Variants in TBCA observed in about 807,000 individuals in gnomAD.
The protein encoded by TBCA is tubulin folding cofactor A, also known as tubulin-specific chaperone A.
Under a neutral mutation model 15.8 loss-of-function variants are expected in TBCA, and 6 were observed. That is an observed-to-expected ratio of 0.38 (90% CI 0.21 to 0.75). The LOEUF (loss-of-function observed/expected upper bound fraction) is 0.75, where lower values mean the gene tolerates loss of function less well. Ranked by LOEUF, TBCA falls within the 30% of genes least tolerant of loss-of-function variation. TBCA has a pLI of 0.46. For missense variants in TBCA, 90 were observed against 131.2 expected, an observed-to-expected ratio of 0.69 and a Z score of 1.53; for synonymous variants, 32 against 42.3, an observed-to-expected ratio of 0.76 and a Z score of 0.94.
chr5:77,693,049 A>T (rs1408496097), intron 3 of TBCA: 2 of 1,431,472 alleles, frequency 1.4e-6, no homozygotes, highest in Non-Finnish European at 1.8e-6. Context: ...AATTTTAATA[A>T]ACTGAACAAA....
intron 1 of TBCA, among the ~76,000 whole-genome samples, chr5:77,726,038 C>A (rs1449097483): frequency 6.6e-6 from 1 of 152,186 alleles, no homozygotes; most frequent in Non-Finnish European, 1.5e-5. Context: ...AAGAATTAGA[C>A]TCGACACACA....
chr5:77,761,697 CT>C (rs79222866), intron 1 of TBCA, among the ~76,000 whole-genome samples: 466 of 142,268 alleles, frequency 3.3e-3, no homozygotes, highest in South Asian at 5.4e-3. Flanking sequence ...AATTTAATCA[CT>C]TTTTTTTTTT....
chr5:77,726,891 GA>G (rs1230643091), intron 1 of TBCA, among the ~76,000 whole-genome samples: 1 of 152,110 alleles, frequency 6.6e-6, no homozygotes, highest in Non-Finnish European at 1.5e-5. Context: ...AAAGATTCAA[GA>G]TGTAAGAAGA....
intron 1 of TBCA, among the ~76,000 whole-genome samples, chr5:77,739,435 AGAGT>A (rs1427731047): frequency 2.0e-5 from 3 of 152,186 alleles, no homozygotes; most frequent in Non-Finnish European, 4.4e-5. Flanking sequence ...CACTCTAAAC[AGAGT>A]GAGTGAGGCG....
At chr5:77,751,133 A>G (rs558227708) in intron 1 of TBCA, among the ~76,000 whole-genome samples, 7 of 148,818 alleles carry the variant, frequency 4.7e-5, no homozygotes, top group Non-Finnish European at 7.4e-5. Context: ...AGTTCCCATT[A>G]CGGCCTGACC....
chr5:77,738,551 A>G (rs1306031589), intron 1 of TBCA, among the ~76,000 whole-genome samples: 1 of 152,222 alleles, frequency 6.6e-6, no homozygotes, highest in African/African-American at 2.4e-5. Flanking sequence ...TGCTTGTTGA[A>G]CTAGTCAGTT....
chr5:77,703,900 G>A (rs531207667), intron 2 of TBCA, among the ~76,000 whole-genome samples: 31 of 151,500 alleles, frequency 2.0e-4, no homozygotes, highest in African/African-American at 5.8e-4. Flanking sequence ...TTATAGGGGC[G>A]GTTTCCTATA....
chr5:77,763,360 A>C (rs568164510), intron 1 of TBCA, among the ~76,000 whole-genome samples: 1 of 152,336 alleles, frequency 6.6e-6, no homozygotes, highest in South Asian at 2.1e-4. Flanking sequence ...AAGTCTATCA[A>C]GTATTGGAGA....
intron 3 of TBCA, chr5:77,693,033 T>C (rs760741817): frequency 2.2e-4 from 311 of 1,425,530 alleles, no homozygotes; most frequent in Non-Finnish European, 2.7e-4. Context: ...TAAATTTAAC[T>C]AGCTAAATTT....
At chr5:77,714,515 A>G (rs1398669892) in intron 1 of TBCA, among the ~76,000 whole-genome samples, 6 of 152,154 alleles carry the variant, frequency 3.9e-5, no homozygotes, top group Non-Finnish European at 5.9e-5. Context: ...TATAACTATA[A>G]TAAAAGGTGG....
At position 77,713,899 on chromosome 5, in the gene TBCA, A is replaced by G. The variant is rs562009395; in HGVS notation, c.54-5552T>C. Among the ~76,000 whole-genome samples the G allele has an allele frequency of 9.2e-5, 12 of 130,536 alleles. No individual in the cohort carries two copies. In the East Asian group the frequency reaches 2.7e-3, roughly 30 times the overall value. The allele number at this position is 130,536 out of a possible 152,430, so 85.6% of individuals were successfully genotyped here. A position where few individuals can be genotyped will look rare whatever the true frequency, so the allele number is the denominator to read the frequency against. On this transcript the variant is annotated intron_variant, in intron 1 of 3. Transcript: ENST00000380377. ...TAGACAGAACAGAAACAAAGCAAGT[A>G]AAGATTTTTTTTTTAAAAGAATAAA...
chr5:77,711,990 CAGTT>C (rs1192775591), intron 1 of TBCA, among the ~76,000 whole-genome samples: 4 of 151,614 alleles, frequency 2.6e-5, no homozygotes, highest in African/African-American at 9.7e-5. Context: ...AAAAATCAGT[CAGTT>C]AGTGAGAACC....
At chr5:77,700,514 T>C (rs1300901968) in intron 2 of TBCA, among the ~76,000 whole-genome samples, 1 of 152,214 alleles carries the variant, frequency 6.6e-6, no homozygotes, top group Non-Finnish European at 1.5e-5. Context: ...GTTATCACTA[T>C]ACAGCTATCA....
intron 1 of TBCA, among the ~76,000 whole-genome samples, chr5:77,731,170 C>T (rs1303428250): frequency 7.9e-5 from 12 of 152,156 alleles, no homozygotes; most frequent in Admixed American, 2.6e-4. Flanking sequence ...CAGTGAGAAG[C>T]GAGCCCATTT....
At chr5:77,698,819 C>A (rs1044969213) in intron 2 of TBCA, among the ~76,000 whole-genome samples, 3 of 151,836 alleles carry the variant, frequency 2.0e-5, no homozygotes, top group African/African-American at 7.3e-5. Context: ...ATTCATTGTA[C>A]GTATGCAAGG....
At chr5:77,748,894 T>C (rs1013031122) in intron 1 of TBCA, among the ~76,000 whole-genome samples, 12 of 152,090 alleles carry the variant, frequency 7.9e-5, no homozygotes, top group African/African-American at 2.9e-4. Context: ...GAAGAGAAAA[T>C]ACATTTACAG....
At chr5:77,701,178 T>C (rs1746003728) in intron 2 of TBCA, among the ~76,000 whole-genome samples, 2 of 151,716 alleles carry the variant, frequency 1.3e-5, no homozygotes, top group Admixed American at 1.3e-4. Flanking sequence ...AAAGGACAAA[T>C]ATCCAAAATC....
At chr5:77,712,461 C>A (rs865805875) in intron 1 of TBCA, among the ~76,000 whole-genome samples, 1 of 151,968 alleles carries the variant, frequency 6.6e-6, no homozygotes, top group Non-Finnish European at 1.5e-5. Context: ...TGGCTCCTCT[C>A]GTTTGCAGGA....
At chr5:77,691,592 C>A in intron 3 of TBCA, 94 bp from the exon 4 acceptor site, 1 of 1,430,236 alleles carries the variant, frequency 7.0e-7, no homozygotes, top group Non-Finnish European at 9.2e-7. Context: ...ATGTTAATAA[C>A]TAAAAAATTA....
Sources: allele counts gnomAD v4.1 joint callset (sites outside exome capture counted in the v4.1 genomes callset), GRCh38; gene constraint gnomAD v4.1.1; transcripts MANE v1.5; gene names NCBI Gene and HGNC (gene_info 2026-07-23, HGNC 2026-07-21).